The following COMMD1 variants were observed in gnomAD, a reference collection of about 807,000 sequenced individuals.
The protein encoded by COMMD1 is copper metabolism domain containing 1, also known as COMM domain-containing protein 1.
In COMMD1, 10 loss-of-function variants were observed where a neutral mutation model predicts 17.2. The ratio of observed to expected loss-of-function variants is 0.58; its 90% CI spans 0.36 to 0.99. COMMD1 has a LOEUF of 0.99. COMMD1 is among the 50% of genes least tolerant of loss of function. COMMD1 has a pLI of 0.01. For missense variants in COMMD1, 270 were observed against 231.8 expected, an observed-to-expected ratio of 1.17 and a Z score of -1.07; for synonymous variants, 97 against 91.6, an observed-to-expected ratio of 1.06 and a Z score of -0.34.
intron 2 of COMMD1, among the ~76,000 whole-genome samples, chr2:62,062,056 A>T (rs991108151): frequency 6.6e-6 from 1 of 151,758 alleles, no homozygotes; most frequent in Admixed American, 6.6e-5. Context: ...ATGAGCAAGG[A>T]CTGTGGAGTC....
intron 1 of COMMD1, among the ~76,000 whole-genome samples, chr2:61,997,597 T>A (rs149900758): frequency 1.7e-3 from 261 of 152,334 alleles, no homozygotes; most frequent in African/African-American, 6.0e-3. Context: ...ATATTTTAAA[T>A]TCAGCTGAGT....
At chr2:61,921,949 A>G (rs1432143777) in intron 1 of COMMD1, among the ~76,000 whole-genome samples, 1 of 151,938 alleles carries the variant, frequency 6.6e-6, no homozygotes, top group Admixed American at 6.6e-5. Context: ...TTTTTTTTCC[A>G]GGACCACTAG....
chr2:61,955,078 A>G (rs925988858), intron 1 of COMMD1, among the ~76,000 whole-genome samples: 7 of 152,242 alleles, frequency 4.6e-5, no homozygotes, highest in Non-Finnish European at 8.8e-5. Context: ...AAGGCTCAAA[A>G]TAATTTGGCG....
chr2:62,099,361 C>A (rs147626045), intron 2 of COMMD1, among the ~76,000 whole-genome samples: 1 of 152,286 alleles, frequency 6.6e-6, no homozygotes, highest in East Asian at 1.9e-4. Context: ...GTTTTCTAAT[C>A]TAGCACACAA....
chr2:61,936,459 A>C (rs1670610317), intron 1 of COMMD1, among the ~76,000 whole-genome samples: 1 of 152,252 alleles, frequency 6.6e-6, no homozygotes, highest in African/African-American at 2.4e-5. Flanking sequence ...GTTCATTATC[A>C]AAATAATGGA....
At chr2:61,889,402 G>T (rs1199502361) in intron 1 of COMMD1, among the ~76,000 whole-genome samples, 1 of 151,472 alleles carries the variant, frequency 6.6e-6, no homozygotes. Context: ...AGCGAGACTG[G>T]GTTTCGCTGT....
At chr2:61,934,879 A>T (rs906059409) in intron 1 of COMMD1, among the ~76,000 whole-genome samples, 3 of 152,150 alleles carry the variant, frequency 2.0e-5, no homozygotes, top group African/African-American at 7.2e-5. Flanking sequence ...TGGCTTCCCA[A>T]ATTGCTGAGA....
intron 2 of COMMD1, among the ~76,000 whole-genome samples, chr2:62,048,171 G>T (rs1558576748): frequency 6.7e-6 from 1 of 149,232 alleles, no homozygotes; most frequent in East Asian, 2.0e-4. Flanking sequence ...TGTGAATGAG[G>T]AACTAAATTT....
chr2:61,947,716 C>CTT lies in COMMD1; in HGVS notation c.180+41874_180+41875dup, dbSNP rs543333587. 4.9e-3 allele frequency among the ~76,000 whole-genome samples: 643 copies of CTT among 132,228 alleles called. 14 individuals carry two copies. Among genetic ancestry groups the CTT allele is most frequent in the African/African-American group, 0.016 (555 of 35,242 alleles). The allele number at this position is 132,228 out of a possible 152,430, so 86.7% of individuals were successfully genotyped here. ...CAAACAAAAAAAATTTTTTTTTGTACTTTTTTTTTTTTTTTTTGGAGAAGT... is the reference window on the plus strand; with the variant it reads ...CAAACAAAAAAAATTTTTTTTTGTACTTTTTTTTTTTTTTTTTTTGGAGAAGT... On this transcript the variant is annotated intron_variant, in intron 1 of 2. Transcript: ENST00000311832.
At chr2:62,070,733 G>A (rs1025303876) in intron 2 of COMMD1, among the ~76,000 whole-genome samples, 1 of 152,108 alleles carries the variant, frequency 6.6e-6, no homozygotes, top group Non-Finnish European at 1.5e-5. Flanking sequence ...GGTTTATTAA[G>A]AAAGTAAAGA....
chr2:62,087,058 A>G (rs1257947848), intron 2 of COMMD1, among the ~76,000 whole-genome samples: 1 of 152,152 alleles, frequency 6.6e-6, no homozygotes, highest in African/African-American at 2.4e-5. Flanking sequence ...TCCTGACCTC[A>G]AATGACCTGC....
At chr2:61,935,503 C>A (rs1260392341) in intron 1 of COMMD1, among the ~76,000 whole-genome samples, 2 of 152,076 alleles carry the variant, frequency 1.3e-5, no homozygotes, top group Non-Finnish European at 2.9e-5. Context: ...TGGCAGGTGC[C>A]TGTAATCCTA....
upstream of COMMD1, chr2:61,888,563 G>A (rs1427088988): frequency 1.9e-6 from 3 of 1,581,828 alleles, no homozygotes. Flanking sequence ...CCCGGATTCT[G>A]GCCGGCCGCA....
At chr2:61,920,740 G>C (rs1021775033) in intron 1 of COMMD1, among the ~76,000 whole-genome samples, 1 of 151,942 alleles carries the variant, frequency 6.6e-6, no homozygotes. Context: ...GAAGCATCTT[G>C]AACATTTAGT....
chr2:62,048,846 A>G (rs13425746), intron 2 of COMMD1, among the ~76,000 whole-genome samples: 1,709 of 152,226 alleles, frequency 0.011, 40 homozygotes, highest in African/African-American at 0.038. Context: ...AAAATAAGCA[A>G]AGAGAGAGCA....
chr2:62,016,333 T>G (rs935268475), intron 2 of COMMD1, among the ~76,000 whole-genome samples: 2 of 149,612 alleles, frequency 1.3e-5, no homozygotes, highest in South Asian at 4.4e-4. Context: ...CTCAGCCACC[T>G]GAGTAGCTGG....
chr2:61,993,052 G>A (rs1270433062), intron 1 of COMMD1, among the ~76,000 whole-genome samples: 1 of 148,258 alleles, frequency 6.7e-6, no homozygotes, highest in Non-Finnish European at 1.5e-5. Context: ...ATACCTCATA[G>A]GAGAGTGCTT....
intron 2 of COMMD1, among the ~76,000 whole-genome samples, chr2:62,102,840 C>T (rs1692202307): frequency 6.6e-6 from 1 of 152,184 alleles, no homozygotes; most frequent in African/African-American, 2.4e-5. Context: ...CTGTCCCACA[C>T]CCAGAAGGAA....
intron 2 of COMMD1, among the ~76,000 whole-genome samples, chr2:62,131,755 C>T (rs1054597589): frequency 3.3e-5 from 5 of 152,010 alleles, no homozygotes; most frequent in African/African-American, 1.2e-4. Context: ...GTTGCCCAGG[C>T]TGGTCTGAAA....
Sources: allele counts gnomAD v4.1 joint callset (sites outside exome capture counted in the v4.1 genomes callset), GRCh38; gene constraint gnomAD v4.1.1; transcripts MANE v1.5; gene names NCBI Gene and HGNC (gene_info 2026-07-23, HGNC 2026-07-21).